The following XNDC1N variants were observed in gnomAD, a reference collection of about 807,000 sequenced individuals.
XNDC1N encodes XRCC1 N-terminal domain containing 1, N-terminal like, also known as protein XNDC1N.
the XNDC1N span, among the ~76,000 whole-genome samples, chr11:71,914,053 A>G: frequency 6.6e-6 from 1 of 152,340 alleles, no homozygotes; most frequent in African/African-American, 2.4e-5. Flanking sequence ...GGAGATGTAC[A>G]AGGAGCTTAA....
the XNDC1N span, chr11:71,916,266 G>C: frequency 2.8e-6 from 2 of 702,072 alleles, no homozygotes; most frequent in Non-Finnish European, 2.6e-6. Flanking sequence ...AAGGAAAAAA[G>C]AGAAACAAAA....
the XNDC1N span, among the ~76,000 whole-genome samples, chr11:71,897,821 G>A: frequency 1.3e-5 from 2 of 152,254 alleles, no homozygotes; most frequent in African/African-American, 4.8e-5. Flanking sequence ...CCAAGGGTTC[G>A]TGGACAGATG....
the XNDC1N span, among the ~76,000 whole-genome samples, chr11:71,913,291 C>T: frequency 6.6e-6 from 1 of 151,912 alleles, no homozygotes; most frequent in Non-Finnish European, 1.5e-5. Flanking sequence ...GCCTCTCTCC[C>T]TCTGAAAATA....
At chr11:71,894,012 C>A in the XNDC1N span, 22 of 839,384 alleles carry the variant, frequency 2.6e-5, no homozygotes, top group Non-Finnish European at 3.9e-5. Flanking sequence ...TCTGTGACCC[C>A]TCTCAACTTC....
chr11:71,908,762 T>G, the XNDC1N span, among the ~76,000 whole-genome samples: 3 of 152,168 alleles, frequency 2.0e-5, no homozygotes, highest in Non-Finnish European at 4.4e-5. Flanking sequence ...ATGTTGCTCT[T>G]TAACAGCGAA....
At chr11:71,899,765 A>T in the XNDC1N span, among the ~76,000 whole-genome samples, 3 of 152,152 alleles carry the variant, frequency 2.0e-5, no homozygotes, top group African/African-American at 7.2e-5. Flanking sequence ...GCCTCGTGGG[A>T]GGAGAAAGAC....
At chr11:71,924,529 T>G in the XNDC1N span, among the ~76,000 whole-genome samples, 2 of 151,932 alleles carry the variant, frequency 1.3e-5, no homozygotes, top group Non-Finnish European at 2.9e-5. Context: ...ATACAAAATA[T>G]AAGCCTGGCG....
chr11:71,899,232 C>G, the XNDC1N span, among the ~76,000 whole-genome samples: 1 of 152,108 alleles, frequency 6.6e-6, no homozygotes, highest in African/African-American at 2.4e-5. Flanking sequence ...GGGCTCCACT[C>G]CCGTCACCTG....
At chr11:71,924,794 A>G in the XNDC1N span, among the ~76,000 whole-genome samples, 1 of 152,218 alleles carries the variant, frequency 6.6e-6, no homozygotes, top group African/African-American at 2.4e-5. Flanking sequence ...AGTATAATGA[A>G]CTTATGCATC....
At chr11:71,883,499 T>C in the XNDC1N span, among the ~76,000 whole-genome samples, 2 of 152,060 alleles carry the variant, frequency 1.3e-5, no homozygotes, top group Non-Finnish European at 2.9e-5. Context: ...GAAAAGATGG[T>C]TTCTTCAATA....
At chr11:71,891,699 A>G in the XNDC1N span, among the ~76,000 whole-genome samples, 2 of 150,672 alleles carry the variant, frequency 1.3e-5, no homozygotes, top group Admixed American at 1.3e-4. Context: ...ATCATCCTCT[A>G]TTTTCCTGGA....
chr11:71,875,002 A>G, the XNDC1N span, among the ~76,000 whole-genome samples: 1 of 152,196 alleles, frequency 6.6e-6, no homozygotes, highest in African/African-American at 2.4e-5. Flanking sequence ...TCCAGCAGCC[A>G]CTTGGGTCAG....
the XNDC1N span, among the ~76,000 whole-genome samples, chr11:71,910,948 C>A: frequency 1.3e-5 from 2 of 152,224 alleles, no homozygotes; most frequent in East Asian, 3.8e-4. Context: ...GCATCCCCAG[C>A]CCTGGGGCTA....
the XNDC1N span, among the ~76,000 whole-genome samples, chr11:71,915,177 G>A: frequency 4.4e-3 from 666 of 152,206 alleles, 2 homozygotes; most frequent in African/African-American, 0.015. Context: ...GGCCGGGCAC[G>A]GTGGCTCACG....
At chr11:71,915,096 C>A in the XNDC1N span, among the ~76,000 whole-genome samples, 2 of 152,174 alleles carry the variant, frequency 1.3e-5, no homozygotes, top group African/African-American at 2.4e-5. Flanking sequence ...TCAGCAATAA[C>A]CACCCTGATC....
At chr11:71,910,567 C>A in the XNDC1N span, among the ~76,000 whole-genome samples, 1 of 152,192 alleles carries the variant, frequency 6.6e-6, no homozygotes, top group African/African-American at 2.4e-5. Flanking sequence ...GGACACCCCA[C>A]GGCATTCGGG....
the XNDC1N span, among the ~76,000 whole-genome samples, chr11:71,925,666 C>T: frequency 1.3e-5 from 2 of 151,876 alleles, no homozygotes; most frequent in Non-Finnish European, 2.9e-5. Context: ...CGGTGGCTCA[C>T]GCCTGTAATC....
the XNDC1N span, among the ~76,000 whole-genome samples, chr11:71,873,020 A>T: frequency 6.6e-6 from 1 of 152,010 alleles, no homozygotes; most frequent in African/African-American, 2.4e-5. Flanking sequence ...TGTTTTCCTA[A>T]GACTCAACTA....
the XNDC1N span, among the ~76,000 whole-genome samples, chr11:71,875,189 GT>G: frequency 6.6e-6 from 1 of 151,956 alleles, no homozygotes; most frequent in African/African-American, 2.4e-5. Context: ...AAAAATTACT[GT>G]TTTGGAGTAT....
Sources: allele counts gnomAD v4.1 joint callset (sites outside exome capture counted in the v4.1 genomes callset), GRCh38; gene constraint gnomAD v4.1.1; transcripts MANE v1.5; gene names NCBI Gene and HGNC (gene_info 2026-07-23, HGNC 2026-07-21).